UBTD1: variants seen among roughly 807,000 people sequenced by gnomAD.
The protein encoded by UBTD1 is ubiquitin domain containing 1.
Under a neutral mutation model 21.7 loss-of-function variants are expected in UBTD1, and 19 were observed. The observed-to-expected ratio is 0.87, with a 90% CI of 0.61 to 1.28. UBTD1 has a LOEUF of 1.28. Ranked by LOEUF, UBTD1 falls within the 50% of genes most tolerant of loss-of-function variation. The pLI, the probability that UBTD1 is intolerant of heterozygous loss-of-function variation, is 0.00. For missense variants in UBTD1, 282 were observed against 315.1 expected, an observed-to-expected ratio of 0.89 and a Z score of 0.80; for synonymous variants, 116 against 135.1, an observed-to-expected ratio of 0.86 and a Z score of 0.98.
Position 97,563,818 on chromosome 10 carries a change from G to A in UBTD1, c.71-4096G>A, listed in dbSNP as rs964249541. On this transcript the variant is annotated intron_variant, in intron 1 of 2. Coordinates refer to ENST00000370664, the MANE Select transcript of UBTD1 (RefSeq NM_024954.5). ...AGTGGGTGGGGGGTGACTGAATAAA[G>A]CCTGTTGTAAAGATAGGGTAAGGAA... Among the ~76,000 whole-genome samples the A allele has an allele frequency of 2.0e-5, 3 of 152,174 alleles. No individual in the cohort carries two copies. The East Asian group carries it at 5.8e-4, about 29-fold the overall frequency.
intron 1 of UBTD1, among the ~76,000 whole-genome samples, chr10:97,516,126 C>A (rs1373199251): frequency 6.6e-6 from 1 of 152,202 alleles, no homozygotes; most frequent in South Asian, 2.1e-4. Context: ...GCTCCCCAAG[C>A]CTGGTGTCAG....
At chr10:97,559,786 G>A (rs751523131) in intron 1 of UBTD1, among the ~76,000 whole-genome samples, 14 of 151,980 alleles carry the variant, frequency 9.2e-5, no homozygotes, top group Non-Finnish European at 1.6e-4. Flanking sequence ...CCGAAAAACT[G>A]GATGATACCT....
At chr10:97,556,019 C>T (rs1205417241) in intron 1 of UBTD1, among the ~76,000 whole-genome samples, 1 of 152,002 alleles carries the variant, frequency 6.6e-6, no homozygotes, top group East Asian at 1.9e-4. Flanking sequence ...TCTTTTTGTG[C>T]AATAGATTGA....
At position 97,499,267 on chromosome 10, in the gene UBTD1, C is replaced by A. The variant is rs1189175740; in HGVS notation, c.64C>A (p.Arg22=). ...RPAAPGHPRK[R]AGRNEPLKKE... ...GGCAGCCCCGGGACACCCCCGCAAG[C>A]GAGCAGGTAACGATGGGGAAGGGAG... Residue 22 remains arginine, a synonymous_variant, in exon 1 of 3, where the codon CGA becomes AGA. Coordinates refer to ENST00000370664, the MANE Select transcript of UBTD1 (RefSeq NM_024954.5). The A allele has an allele frequency of 2.6e-6, 4 of 1,548,602 alleles. No homozygotes were observed. Among genetic ancestry groups the A allele is most frequent in the Non-Finnish European group, 3.5e-6 (4 of 1,145,784 alleles).
intron 1 of UBTD1, among the ~76,000 whole-genome samples, chr10:97,561,019 C>T (rs1418797956): frequency 6.6e-6 from 1 of 152,120 alleles, no homozygotes; most frequent in African/African-American, 2.4e-5. Flanking sequence ...GGCCACACTT[C>T]CACTCAGATG....
intron 1 of UBTD1, among the ~76,000 whole-genome samples, chr10:97,548,745 C>T (rs2040622488): frequency 6.6e-6 from 1 of 152,204 alleles, no homozygotes; most frequent in Admixed American, 6.5e-5. Context: ...TCACTGTACT[C>T]TGGTCTGGGC....
At chr10:97,552,862 G>A (rs1191869309) in intron 1 of UBTD1, among the ~76,000 whole-genome samples, 1 of 152,184 alleles carries the variant, frequency 6.6e-6, no homozygotes, top group African/African-American at 2.4e-5. Context: ...ATTTTATGTA[G>A]CCTTTCTCCT....
At position 97,526,188 on chromosome 10, in the gene UBTD1, T is replaced by C. The variant is rs2040487476; in HGVS notation, c.70+26915T>C. 3.3e-5 allele frequency among the ~76,000 whole-genome samples: 5 copies of C among 152,292 alleles called. No individual in the cohort carries two copies. The South Asian group carries it at 1.0e-3, about 32-fold the overall frequency. On this transcript the variant is annotated intron_variant, in intron 1 of 2. Coordinates refer to ENST00000370664, the MANE Select transcript of UBTD1 (RefSeq NM_024954.5). ...TCTGGCAGGGCTTCATCCCTAAGGG[T>C]CTAACAAGCACTCTTGTGCACTGCT...
intron 1 of UBTD1, among the ~76,000 whole-genome samples, chr10:97,510,730 T>C (rs940970338): frequency 2.6e-5 from 4 of 152,238 alleles, no homozygotes; most frequent in African/African-American, 9.6e-5. Flanking sequence ...GGTTATCTAC[T>C]GTTCGACCCA....
At chr10:97,538,776 G>T (rs2040574803) in intron 1 of UBTD1, among the ~76,000 whole-genome samples, 1 of 151,522 alleles carries the variant, frequency 6.6e-6, no homozygotes, top group Non-Finnish European at 1.5e-5. Context: ...GTATATGTGT[G>T]TGTGAGTGTG....
Position 97,570,319 on chromosome 10 carries a change from C to T in UBTD1, c.480C>T (p.Asp160=), listed in dbSNP as rs201913607. ...AGGTGCGCCTGTCCACGGGCAAGGA[C>T]GTGAGGCTCAGCGCCAGCCTGCCCG... ...PLKVRLSTGK[D]VRLSASLPDT... is the part of the protein sequence containing the mutation. The change falls in exon 3 of 3, where the codon GAC becomes GAT. Residue 160 remains aspartate, a synonymous_variant. Coordinates refer to ENST00000370664, the MANE Select transcript of UBTD1 (RefSeq NM_024954.5). This position sits in a 1 kb window ranked among gnomAD's most constrained non-coding sequence, Gnocchi z 6.6. 11 of 1,613,188 alleles carry T rather than the reference C, an allele frequency of 6.8e-6. No individual in the cohort carries two copies. In the East Asian group the frequency reaches 1.1e-4, roughly 16 times the overall value.
Position 97,537,342 on chromosome 10 carries a change from G to A in UBTD1, c.71-30572G>A, listed in dbSNP as rs557184025. ...GAAGAATTGGGTTACCTTGGGGGTC[G>A]GGTGGTAGGGGCTGCTCCCAGGCCA... On this transcript the variant is annotated intron_variant, in intron 1 of 2. Coordinates refer to ENST00000370664, the MANE Select transcript of UBTD1 (RefSeq NM_024954.5). 3.9e-5 allele frequency among the ~76,000 whole-genome samples: 6 copies of A among 152,240 alleles called. No individual in the cohort carries two copies. In the South Asian group the frequency reaches 8.3e-4, roughly 21 times the overall value.
intron 1 of UBTD1, among the ~76,000 whole-genome samples, chr10:97,504,169 A>G (rs1456662982): frequency 1.3e-5 from 2 of 152,078 alleles, no homozygotes; most frequent in Non-Finnish European, 2.9e-5. Flanking sequence ...GACTCTGACC[A>G]TCTCCACCAC....
chr10:97,550,328 G>T (rs1044777762), intron 1 of UBTD1, among the ~76,000 whole-genome samples: 1 of 152,186 alleles, frequency 6.6e-6, no homozygotes, highest in African/African-American at 2.4e-5. Flanking sequence ...GGCTTGGGTG[G>T]CCTGACTGGG....
chr10:97,542,371 T>TC (rs1273272739), intron 1 of UBTD1, among the ~76,000 whole-genome samples: 1 of 152,234 alleles, frequency 6.6e-6, no homozygotes, highest in Admixed American at 6.5e-5. Context: ...GTCAGGTTTT[T>TC]CCCTTCTTTG....
intron 1 of UBTD1, among the ~76,000 whole-genome samples, chr10:97,519,390 G>C (rs1326460862): frequency 1.3e-5 from 2 of 152,190 alleles, no homozygotes; most frequent in African/African-American, 2.4e-5. Context: ...GCCTAATCTT[G>C]ACTTTTCTCT....
At chr10:97,558,115 G>A (rs191490582) in intron 1 of UBTD1, among the ~76,000 whole-genome samples, 93 of 152,112 alleles carry the variant, frequency 6.1e-4, no homozygotes, top group African/African-American at 2.1e-3. Flanking sequence ...AGGGGTTGGC[G>A]AAGCTGCTCC....
At chr10:97,500,109 T>C (rs2040350853) in intron 1 of UBTD1, among the ~76,000 whole-genome samples, 1 of 152,218 alleles carries the variant, frequency 6.6e-6, no homozygotes, top group South Asian at 2.1e-4. Context: ...GGATTCCAGA[T>C]GGACCCATCT....
chr10:97,547,248 C>G (rs1283848840), intron 1 of UBTD1, among the ~76,000 whole-genome samples: 1 of 152,204 alleles, frequency 6.6e-6, no homozygotes, highest in Non-Finnish European at 1.5e-5. Flanking sequence ...GGTTGGACTG[C>G]TATGTCCAGC....
Sources: gnomAD v4.1 joint callset for allele counts (sites outside exome capture counted in the v4.1 genomes callset) on GRCh38, gnomAD v4.1.1 for gene constraint, Gnocchi (gnomAD v3.1) non-coding constraint, MANE v1.5 for transcripts, NCBI Gene and HGNC (gene_info 2026-07-23, HGNC 2026-07-21) for gene names.